Variants in C12orf42 observed in about 807,000 individuals in gnomAD.
C12orf42 encodes uncharacterized protein C12orf42.
In C12orf42, 25 loss-of-function variants were observed where a neutral mutation model predicts 21.6. The observed-to-expected ratio is 1.16, with a 90% confidence interval of 0.84 to 1.62. The LOEUF is 1.62. C12orf42 is among the 40% of genes most tolerant of loss of function. The pLI is 0.00. For missense variants in C12orf42, 483 were observed against 459.3 expected, an observed-to-expected ratio of 1.05 and a Z score of -0.47; for synonymous variants, 174 against 175.0, an observed-to-expected ratio of 0.99 and a Z score of 0.05.
At chr12:103,432,507 A>G (rs1021465374) in intron 2 of C12orf42, among the ~76,000 whole-genome samples, 12 of 152,180 alleles carry the variant, frequency 7.9e-5, no homozygotes, top group Non-Finnish European at 1.6e-4. Context: ...GTGCTGAAGA[A>G]TTCATGACAT....
Position 103,368,889 on chromosome 12 carries a change from G to A in C12orf42, c.257C>T (p.Pro86Leu). 6.6e-7 allele frequency: 1 copy of A among 1,519,988 alleles called. No individual in the cohort carries two copies. The highest frequency in any genetic ancestry group is 9.0e-7 in the Non-Finnish European group (1 of 1,107,024). 94.2% of individuals were successfully genotyped at this position (1,519,988 alleles called of 1,614,324 possible). A position where few individuals can be genotyped will look rare whatever the true frequency, so the allele number is the denominator to read the frequency against. Residue 86 changes from proline to leucine, a missense_variant and splice_region_variant, in exon 4 of 6, where the codon CCA (proline) becomes CTA (leucine). Coordinates refer to ENST00000548883, the MANE Select transcript of C12orf42 (RefSeq NM_198521.5). ...CTTGGGATTATGTCTTAATTTACCTGGAAAATTCAGAAAGTGTAGACTACG... is the reference window on the plus strand; with the variant it reads ...CTTGGGATTATGTCTTAATTTACCTAGAAAATTCAGAAAGTGTAGACTACG... The part of the protein sequence containing the change: ...KFRSLHFLNF[P>L]VFPERTQNSM...
chr12:103,542,590 T>C, the C12orf42 span, among the ~76,000 whole-genome samples: 1 of 152,254 alleles, frequency 6.6e-6, no homozygotes, highest in Non-Finnish European at 1.5e-5. Flanking sequence ...GTGGCCAATG[T>C]ACTACAGGAA....
chr12:103,419,658 C>T (rs1039111624), intron 2 of C12orf42, among the ~76,000 whole-genome samples: 4 of 152,152 alleles, frequency 2.6e-5, no homozygotes, highest in African/African-American at 9.7e-5. Context: ...ACTTGCCAGT[C>T]CTTCAGATCT....
the C12orf42 span, among the ~76,000 whole-genome samples, chr12:103,204,385 A>T: frequency 8.4e-4 from 128 of 152,096 alleles, no homozygotes; most frequent in African/African-American, 3.0e-3. Context: ...TGCTGAGTTA[A>T]TTTTTTTTCC....
chr12:103,531,807 A>G, the C12orf42 span, among the ~76,000 whole-genome samples: 1 of 152,218 alleles, frequency 6.6e-6, no homozygotes, highest in African/African-American at 2.4e-5. Flanking sequence ...TTGTTGGTTG[A>G]AGACAAATCC....
At chr12:103,121,000 T>G in the C12orf42 span, among the ~76,000 whole-genome samples, 1 of 152,010 alleles carries the variant, frequency 6.6e-6, no homozygotes, top group Admixed American at 6.6e-5. Flanking sequence ...GTGGTCAAAA[T>G]CCTAAATTTC....
the C12orf42 span, among the ~76,000 whole-genome samples, chr12:103,191,274 T>C: frequency 1.5e-4 from 22 of 150,724 alleles, no homozygotes; most frequent in Middle Eastern, 3.2e-3. Context: ...GTTTTTCAAA[T>C]TGAAACAAAA....
At chr12:103,361,242 C>G (rs985695666) in intron 4 of C12orf42, among the ~76,000 whole-genome samples, 35 of 152,204 alleles carry the variant, frequency 2.3e-4, no homozygotes, top group African/African-American at 8.4e-4. Flanking sequence ...TTATCTGCCC[C>G]CGAACACACA....
At chr12:103,340,484 C>A (rs1171964992) in intron 4 of C12orf42, among the ~76,000 whole-genome samples, 1 of 152,164 alleles carries the variant, frequency 6.6e-6, no homozygotes, top group East Asian at 1.9e-4. Context: ...CTCTTAAAAG[C>A]AAAACCCAAA....
downstream of C12orf42, among the ~76,000 whole-genome samples, chr12:103,237,283 G>C (rs1484251334): frequency 6.6e-6 from 1 of 152,074 alleles, no homozygotes; most frequent in African/African-American, 2.4e-5. Flanking sequence ...GGCATTGTTG[G>C]GGAGATGCTG....
At position 103,380,220 on chromosome 12, in the gene C12orf42, C is replaced by G. The variant is rs543120277; in HGVS notation, c.148-11222G>C. On this transcript the variant is annotated intron_variant, in intron 3 of 5. Transcript: ENST00000548883. Reference sequence around the variant, plus strand: ...TAAATATGCTGGCAAGGTTTTTGGCCTGACTTCCTCCAGTGAAAGTTATTT... The same window carrying G: ...TAAATATGCTGGCAAGGTTTTTGGCGTGACTTCCTCCAGTGAAAGTTATTT... Among the ~76,000 whole-genome samples the G allele has an allele frequency of 5.9e-5, 9 of 152,198 alleles. No homozygotes were observed. In the East Asian group the frequency reaches 1.7e-3, roughly 29 times the overall value.
chr12:103,369,456 AC>A (rs1162277344), intron 3 of C12orf42, among the ~76,000 whole-genome samples: 1 of 152,048 alleles, frequency 6.6e-6, no homozygotes, highest in Non-Finnish European at 1.5e-5. Flanking sequence ...ACATTTTCAT[AC>A]AGGGTGACAT....
chr12:103,158,548 T>C, the C12orf42 span, among the ~76,000 whole-genome samples: 2 of 152,104 alleles, frequency 1.3e-5, no homozygotes, highest in Admixed American at 1.3e-4. Context: ...GAAAATGTAT[T>C]GGAGATTCAA....
chr12:103,510,086 A>C, the C12orf42 span, among the ~76,000 whole-genome samples: 2 of 152,232 alleles, frequency 1.3e-5, no homozygotes, highest in Non-Finnish European at 2.9e-5. Context: ...TTGCAATTGC[A>C]AAAATGTGGA....
At chr12:103,082,359 G>A in the C12orf42 span, among the ~76,000 whole-genome samples, 6 of 152,142 alleles carry the variant, frequency 3.9e-5, no homozygotes, top group Non-Finnish European at 5.9e-5. Context: ...GTATGATTAC[G>A]CTACAATAAT....
intron 2 of C12orf42, among the ~76,000 whole-genome samples, chr12:103,471,601 G>C (rs915403688): frequency 5.9e-5 from 9 of 152,220 alleles, no homozygotes; most frequent in Non-Finnish European, 8.8e-5. Flanking sequence ...AGGTAACACA[G>C]CCTCTAAATG....
chr12:103,560,555 G>A, the C12orf42 span, among the ~76,000 whole-genome samples: 1 of 152,202 alleles, frequency 6.6e-6, no homozygotes, highest in African/African-American at 2.4e-5. Context: ...ATAAGTTTCT[G>A]TGTACATTTT....
the C12orf42 span, among the ~76,000 whole-genome samples, chr12:103,157,512 C>T: frequency 6.6e-6 from 1 of 152,034 alleles, no homozygotes; most frequent in Non-Finnish European, 1.5e-5. Flanking sequence ...GTTGCAATTG[C>T]CTTTGGTGTT....
the C12orf42 span, among the ~76,000 whole-genome samples, chr12:103,535,882 A>G: frequency 6.6e-6 from 1 of 152,034 alleles, no homozygotes; most frequent in African/African-American, 2.4e-5. Context: ...GTCTCAATTG[A>G]CCCTCTCACC....
Sources: allele counts gnomAD v4.1 joint callset (sites outside exome capture counted in the v4.1 genomes callset), GRCh38; gene constraint gnomAD v4.1.1; transcripts MANE v1.5; gene names NCBI Gene and HGNC (gene_info 2026-07-23, HGNC 2026-07-21).